HTT: variants seen among roughly 807,000 people sequenced by gnomAD.
HTT encodes the protein huntingtin, also known as huntington disease protein.
Under a neutral mutation model 362.3 loss-of-function variants are expected in HTT, and 104 were observed. The observed-to-expected ratio is 0.29, with a 90% CI of 0.24 to 0.34. The LOEUF (loss-of-function observed/expected upper bound fraction) is 0.34, where lower values mean the gene tolerates loss of function less well. HTT is among the 10% of genes least tolerant of loss of function. The pLI is 1.00. For synonymous variants in HTT, 1,577 were observed against 1,548.7 expected, an observed-to-expected ratio of 1.02 and a Z score of -0.43; for missense variants, 3,301 against 3,928.6, an observed-to-expected ratio of 0.84 and a Z score of 4.27.
chr4:3,213,992 C>T lies in HTT; in HGVS notation c.6809C>T (p.Pro2270Leu), dbSNP rs956664465. The change falls in exon 50 of 67, where the codon CCG (proline) becomes CTG (leucine). Residue 2270 changes from proline to leucine, a missense_variant. Coordinates refer to ENST00000355072, the MANE Select transcript of HTT (RefSeq NM_001388492.1). The stretch of plus-strand genomic sequence containing the variant: ...TGGCATTTGATCCATGAGCAGATCC[C>T]GCTGAGTCTGGATCTCCAGGCAGGG... ...LSWHLIHEQI[P>L]LSLDLQAGLD... 5.6e-6 allele frequency: 9 copies of T among 1,596,242 alleles called. No homozygotes were observed. Among genetic ancestry groups the T allele is most frequent in the Non-Finnish European group, 7.7e-6 (9 of 1,169,348 alleles).
intron 2 of HTT, among the ~76,000 whole-genome samples, chr4:3,092,062 G>T (rs886402650): frequency 6.6e-6 from 1 of 152,100 alleles, no homozygotes; most frequent in Non-Finnish European, 1.5e-5. Flanking sequence ...TGCACTGTCC[G>T]CCTGGGCCAG....
intron 3 of HTT, among the ~76,000 whole-genome samples, chr4:3,102,046 A>G (rs1024628245): frequency 3.9e-5 from 6 of 152,204 alleles, no homozygotes; most frequent in African/African-American, 1.2e-4. Context: ...GTAGAGAATT[A>G]GGGGCTCTTG....
At position 3,140,740 on chromosome 4, in the gene HTT, T is replaced by A. The variant is rs915693456; in HGVS notation, c.2945+84T>A. On this transcript the variant is annotated intron_variant, in intron 22 of 66. Coordinates refer to ENST00000355072, the MANE Select transcript of HTT (RefSeq NM_001388492.1). ...TCTTTAGGCTTTAATTGAAAACATTTTATTTTCTAGAAAAAAGCTTCAGCT... is the reference window on the plus strand; with the variant it reads ...TCTTTAGGCTTTAATTGAAAACATTATATTTTCTAGAAAAAAGCTTCAGCT... The A allele has an allele frequency of 1.3e-5, 17 of 1,343,480 alleles. No homozygotes were observed. The African/African-American group carries it at 2.2e-4, about 17-fold the overall frequency. The allele number at this position is 1,343,480 out of a possible 1,614,324, so 83.2% of individuals were successfully genotyped here. A position where few individuals can be genotyped will look rare whatever the true frequency, so the allele number is the denominator to read the frequency against.
Position 3,206,689 on chromosome 4 carries a change from C to G in HTT, c.5898+14C>G, listed in dbSNP as rs764652939. 6.2e-7 allele frequency: 1 copy of G among 1,607,288 alleles called. No individual in the cohort carries two copies. Among genetic ancestry groups the G allele is most frequent in the Non-Finnish European group, 8.5e-7 (1 of 1,174,646 alleles). ...AACCTTTCAACTGTACGTCTTCATC[C>G]TGCCGACTATTGCCAGTTGCAGTTT... On this transcript the variant is annotated intron_variant, in intron 43 of 66. Transcript: ENST00000355072. This position sits in a 1 kb window ranked among gnomAD's most constrained non-coding sequence, Gnocchi z 4.6.
In HTT at chr4:3,229,027, T is replaced by C; in HGVS notation, c.8109+18T>C. The C allele has an allele frequency of 6.2e-7, 1 of 1,606,426 alleles. No homozygotes were observed. The highest frequency in any genetic ancestry group is 1.1e-5 in the South Asian group (1 of 90,852). The stretch of plus-strand genomic sequence containing the variant: ...TCAGATCCGTAAGTGAGCCTTCCCA[T>C]TCCCCTCACACCTGCACGTGCCACA... On this transcript the variant is annotated intron_variant, in intron 59 of 66. Coordinates refer to ENST00000355072, the MANE Select transcript of HTT (RefSeq NM_001388492.1).
chr4:3,238,638 G>A (rs781263459), intron 65 of HTT, 29 bp downstream of exon 65: 5 of 1,575,544 alleles, frequency 3.2e-6, no homozygotes, highest in Non-Finnish European at 4.3e-6. Context: ...TGGGGATGGA[G>A]TGGGAAAGCC....
intron 29 of HTT, among the ~76,000 whole-genome samples, chr4:3,168,833 T>C (rs1717833324): frequency 6.6e-6 from 1 of 152,160 alleles, no homozygotes; most frequent in African/African-American, 2.4e-5. Flanking sequence ...GCCATGATCA[T>C]GCCATTGCAC....
At chr4:3,141,542 C>T (rs1316808019) in intron 22 of HTT, among the ~76,000 whole-genome samples, 4 of 152,218 alleles carry the variant, frequency 2.6e-5, no homozygotes, top group Admixed American at 6.5e-5. Flanking sequence ...GTGGGCAGGT[C>T]GCTTGAGCTC....
chr4:3,108,583 T>C (rs1714557407), intron 6 of HTT, among the ~76,000 whole-genome samples: 1 of 152,190 alleles, frequency 6.6e-6, no homozygotes, highest in Admixed American at 6.5e-5. Flanking sequence ...TGATAGATGG[T>C]ATTTTTGTAC....
At chr4:3,145,301 C>G in intron 24 of HTT, 73 bp downstream of exon 24, 1 of 1,028,980 alleles carries the variant, frequency 9.7e-7, no homozygotes, top group Non-Finnish European at 1.5e-6. Context: ...TTAGGATGCC[C>G]TTTTTCTTTC....
chr4:3,078,469 TA>T (rs1335398543), intron 1 of HTT, among the ~76,000 whole-genome samples: 1 of 152,222 alleles, frequency 6.6e-6, no homozygotes, highest in Non-Finnish European at 1.5e-5. Flanking sequence ...TTTTTATTTT[TA>T]AAAAAATTGT....
chr4:3,135,299 G>C (rs1578525976), intron 19 of HTT, among the ~76,000 whole-genome samples: 3 of 151,340 alleles, frequency 2.0e-5, no homozygotes, highest in Non-Finnish European at 4.4e-5. Flanking sequence ...ACTTCAGCCT[G>C]GCAACAGAGT....
At chr4:3,213,076 G>A (rs779716575) in intron 49 of HTT, 33 of 225,598 alleles carry the variant, frequency 1.5e-4, no homozygotes, top group Non-Finnish European at 1.8e-4. Context: ...CTTGTAATTC[G>A]CCCCCAGAAT....
intron 51 of HTT, among the ~76,000 whole-genome samples, chr4:3,217,163 T>A (rs940410032): frequency 2.0e-5 from 3 of 152,164 alleles, no homozygotes; most frequent in Non-Finnish European, 4.4e-5. Flanking sequence ...AGCCACGTAA[T>A]ACACACTCAC....
In HTT at chr4:3,213,996, G is replaced by A. The variant is rs761939030; in HGVS notation, c.6813G>A (p.Leu2271=). The A allele has an allele frequency of 1.9e-6, 3 of 1,598,930 alleles. No individual in the cohort carries two copies. The highest frequency in any genetic ancestry group is 2.6e-6 in the Non-Finnish European group (3 of 1,171,050). ...ATTTGATCCATGAGCAGATCCCGCTGAGTCTGGATCTCCAGGCAGGGCTGG... is the reference window on the plus strand; with the variant it reads ...ATTTGATCCATGAGCAGATCCCGCTAAGTCTGGATCTCCAGGCAGGGCTGG... The part of the protein sequence containing the change: ...SWHLIHEQIP[L]SLDLQAGLDC... Residue 2271 remains leucine (L), a synonymous_variant, in exon 50 of 67, where the codon CTG becomes CTA. Transcript: ENST00000355072.
At chr4:3,115,043 C>G (rs1224199191) in intron 6 of HTT, among the ~76,000 whole-genome samples, 1 of 152,058 alleles carries the variant, frequency 6.6e-6, no homozygotes, top group Non-Finnish European at 1.5e-5. Context: ...AGAATTGAGG[C>G]CTCCACCATT....
chr4:3,162,002 C>G (rs748944291), intron 29 of HTT, among the ~76,000 whole-genome samples: 1 of 152,116 alleles, frequency 6.6e-6, no homozygotes, highest in Non-Finnish European at 1.5e-5. Flanking sequence ...TTGCCTATGC[C>G]TATGTCCTGA....
intron 8 of HTT, 101 bp downstream of exon 8, chr4:3,116,364 G>C: frequency 9.8e-7 from 1 of 1,015,348 alleles, no homozygotes; most frequent in Admixed American, 2.2e-5. Context: ...AGTTAGAGGT[G>C]TGGACTCTGG....
At chr4:3,178,812 T>G (rs1232329504) in intron 35 of HTT, among the ~76,000 whole-genome samples, 1 of 152,206 alleles carries the variant, frequency 6.6e-6, no homozygotes, top group African/African-American at 2.4e-5. Context: ...TAAATCGAAC[T>G]TGCCGTGAAT....
Sources: gnomAD v4.1 joint callset for allele counts (sites outside exome capture counted in the v4.1 genomes callset) on GRCh38, gnomAD v4.1.1 for gene constraint, Gnocchi (gnomAD v3.1) non-coding constraint, MANE v1.5 for transcripts, NCBI Gene and HGNC (gene_info 2026-07-23, HGNC 2026-07-21) for gene names.